DSG2: variants seen among roughly 807,000 people sequenced by gnomAD.
DSG2 encodes the protein desmoglein-2.
In DSG2, 45 loss-of-function variants were observed where a neutral mutation model predicts 75.6. The ratio of observed to expected loss-of-function variants is 0.60; its 90% confidence interval spans 0.47 to 0.76. The LOEUF (loss-of-function observed/expected upper bound fraction) is 0.76, where lower values mean the gene tolerates loss of function less well. DSG2 is among the 30% of genes least tolerant of loss of function. The pLI is 0.00. For missense variants in DSG2, 1,267 were observed against 1,357.4 expected, an observed-to-expected ratio of 0.93 and a Z score of 1.05; for synonymous variants, 429 against 483.9, an observed-to-expected ratio of 0.89 and a Z score of 1.49.
intron 12 of DSG2, 65 bp downstream of exon 12, chr18:31,539,043 A>C: frequency 7.0e-7 from 1 of 1,435,564 alleles, no homozygotes; most frequent in Non-Finnish European, 9.7e-7. Flanking sequence ...GAGATGTGTT[A>C]CTATGGTAGT....
At chr18:31,522,270 G>T in intron 6 of DSG2, 21 bp downstream of exon 6, 1 of 1,607,326 alleles carries the variant, frequency 6.2e-7, no homozygotes, top group South Asian at 1.1e-5. Flanking sequence ...ATGTTATGTT[G>T]CCCATCTTTA....
At chr18:31,534,976 C>T (rs2073220360) in intron 9 of DSG2, among the ~76,000 whole-genome samples, 1 of 152,158 alleles carries the variant, frequency 6.6e-6, no homozygotes, top group African/African-American at 2.4e-5. Context: ...TGCCATAGGA[C>T]AGACTGCAGA....
chr18:31,530,437 A>G (rs979935741), intron 8 of DSG2, among the ~76,000 whole-genome samples: 2 of 152,164 alleles, frequency 1.3e-5, no homozygotes, highest in Non-Finnish European at 2.9e-5. Context: ...GTATGTTTTG[A>G]GACAGGGTCT....
In DSG2 at chr18:31,530,973, GT is replaced by G; in HGVS notation, c.1015-10del. 1 of 1,613,432 alleles carries G rather than the reference GT, an allele frequency of 6.2e-7. No homozygotes were observed. Among genetic ancestry groups the G allele is most frequent in the South Asian group, 1.1e-5 (1 of 91,028 alleles). The stretch of plus-strand genomic sequence containing the variant: ...TTCTCTTTGAAAAGAATTCCCTTTG[GT>G]TTTCCCTTTCAGGAAGTAGATTATG... On this transcript the variant is annotated splice_polypyrimidine_tract_variant and intron_variant, in intron 8 of 14. Transcript: ENST00000261590.
At chr18:31,542,302 T>G (rs2073273063) in intron 13 of DSG2, 2 of 604,968 alleles carry the variant, frequency 3.3e-6, no homozygotes, top group African/African-American at 3.7e-5. Context: ...GGCTTTGTTT[T>G]CTCTTTGGGT....
rs763225604 is a variant in DSG2 at position 31,541,241 on chromosome 18, G to T, written c.1928G>T (p.Gly643Val). Residue 643 changes from glycine (G) to valine (V), a missense_variant, in exon 13 of 15, where the codon GGC (glycine) becomes GTC (valine). Transcript: ENST00000261590. ...LMCHCGKGAK[G>V]FTPIPGTIEM... is the part of the protein sequence containing the mutation. ...TGCCATTGCGGAAAGGGCGCCAAAG[G>T]CTTTACCCCCATACCTGGCACCATA... 6.2e-7 allele frequency: 1 copy of T among 1,614,124 alleles called. No individual in the cohort carries two copies. The highest frequency in any genetic ancestry group is 8.5e-7 in the Non-Finnish European group (1 of 1,179,974).
intron 13 of DSG2, among the ~76,000 whole-genome samples, chr18:31,541,764 C>T (rs1286330637): frequency 6.6e-6 from 1 of 152,206 alleles, no homozygotes; most frequent in Non-Finnish European, 1.5e-5. Context: ...TCTGTTGCAC[C>T]TTCACCCTGG....
At position 31,532,907 on chromosome 18, in the gene DSG2, TTTTGTTTGTTTGTTTG is replaced by T. The variant is rs78547095; in HGVS notation, c.1280+1671_1280+1686del. ...CCAAATTATTGACTTTTGGCTGCTGTTTTGTTTGTTTGTTTGTTTGTTTGTTTGTTTAGGGGCCATG... is the reference window on the plus strand; with the variant it reads ...CCAAATTATTGACTTTTGGCTGCTGTTTTGTTTGTTTGTTTAGGGGCCATG... On this transcript the variant is annotated intron_variant, in intron 9 of 14. Transcript: ENST00000261590. Among the ~76,000 whole-genome samples the T allele has an allele frequency of 6.5e-4, 98 of 150,162 alleles. 2 individuals are homozygous for T. The South Asian group carries it at 0.02, about 30-fold the overall frequency.
intron 10 of DSG2, among the ~76,000 whole-genome samples, chr18:31,535,990 G>A (rs749335426): frequency 8.5e-5 from 13 of 152,068 alleles, no homozygotes; most frequent in Non-Finnish European, 1.8e-4. Flanking sequence ...GATGAAATAA[G>A]CACCTAATTT....
At chr18:31,543,140 C>G in intron 14 of DSG2, 1 of 299,338 alleles carries the variant, frequency 3.3e-6, no homozygotes, top group East Asian at 6.0e-5. Flanking sequence ...TGCTTTCCTT[C>G]ATGATGTCTT....
intron 6 of DSG2, among the ~76,000 whole-genome samples, 187 bp from the exon 7 acceptor site, chr18:31,524,261 G>C (rs2073147208): frequency 6.6e-6 from 1 of 152,186 alleles, no homozygotes. Flanking sequence ...AACTCCCGAG[G>C]CTTTTCTGTT....
chr18:31,522,065 C>A lies in DSG2; in HGVS notation c.524-18C>A. 1 of 1,611,556 alleles carries A rather than the reference C, an allele frequency of 6.2e-7. No individual in the cohort carries two copies. The highest frequency in any genetic ancestry group is 8.5e-7 in the Non-Finnish European group (1 of 1,177,906). On this transcript the variant is annotated intron_variant, in intron 5 of 14. Coordinates refer to ENST00000261590, the MANE Select transcript of DSG2 (RefSeq NM_001943.5). ...TAAAGTTGAATTTCATCTTAGACATCTTTATTTCTAATGCCAGATACTCTT... is the reference window on the plus strand; with the variant it reads ...TAAAGTTGAATTTCATCTTAGACATATTTATTTCTAATGCCAGATACTCTT...
chr18:31,516,958 A>G (rs1189874735), intron 1 of DSG2, among the ~76,000 whole-genome samples: 1 of 152,216 alleles, frequency 6.6e-6, no homozygotes, highest in East Asian at 1.9e-4. Context: ...GTGGCTGTGG[A>G]GCAACTGGAT....
chr18:31,522,938 C>G (rs1342438561), intron 6 of DSG2, among the ~76,000 whole-genome samples: 2 of 152,108 alleles, frequency 1.3e-5, no homozygotes, highest in African/African-American at 4.8e-5. Context: ...TTTATTATTT[C>G]TAACTGAAAG....
At chr18:31,511,419 G>T (rs1184525289) in intron 1 of DSG2, among the ~76,000 whole-genome samples, 2 of 152,206 alleles carry the variant, frequency 1.3e-5, no homozygotes, top group East Asian at 1.9e-4. Flanking sequence ...GCCCCTAGTG[G>T]AGAACGATTG....
intron 3 of DSG2, among the ~76,000 whole-genome samples, chr18:31,520,282 A>G (rs959218795): frequency 3.3e-5 from 5 of 152,304 alleles, no homozygotes; most frequent in South Asian, 4.1e-4. Flanking sequence ...ACTGGTGTCT[A>G]TTACTAGGTA....
At chr18:31,502,193 C>T (rs560620582) in intron 1 of DSG2, among the ~76,000 whole-genome samples, 13 of 152,220 alleles carry the variant, frequency 8.5e-5, no homozygotes, top group Admixed American at 3.9e-4. Context: ...TAGAAATCCC[C>T]GATAAGCTAA....
chr18:31,520,064 A>G (rs1293111376), intron 3 of DSG2, 127 bp downstream of exon 3: 4 of 1,224,272 alleles, frequency 3.3e-6, no homozygotes. Context: ...AATATTCAAG[A>G]TATATCTGAA....
chr18:31,546,718 G>GCACT lies in DSG2; in HGVS notation c.3333_3336dup (p.Val1113HisfsTer21). The GCACT allele has an allele frequency of 6.2e-7, 1 of 1,614,142 alleles. No individual in the cohort carries two copies. Among genetic ancestry groups the GCACT allele is most frequent in the Non-Finnish European group, 8.5e-7 (1 of 1,180,018 alleles). Reference sequence around the variant, plus strand: ...TCTTCCACCAGAGTTACCAAGCATAGCACTGTACAGCATTCTTACTCCTAA... The same window carrying GCACT: ...TCTTCCACCAGAGTTACCAAGCATAGCACTCACTGTACAGCATTCTTACTCCTAA... On this transcript the variant is annotated frameshift_variant, in exon 15 of 15. Coordinates refer to ENST00000261590, the MANE Select transcript of DSG2 (RefSeq NM_001943.5). LOFTEE classifies it high-confidence loss of function.
Sources: gnomAD v4.1 joint callset for allele counts (sites outside exome capture counted in the v4.1 genomes callset) on GRCh38, gnomAD v4.1.1 for gene constraint, MANE v1.5 for transcripts, NCBI Gene and HGNC (gene_info 2026-07-23, HGNC 2026-07-21) for gene names.